KCNQ5: variants seen among roughly 807,000 people sequenced by gnomAD.
The protein encoded by KCNQ5 is potassium voltage-gated channel subfamily KQT member 5.
Under a neutral mutation model 98.2 loss-of-function variants are expected in KCNQ5, and 30 were observed. That is an observed-to-expected ratio of 0.31 (90% CI 0.23 to 0.41). The LOEUF (loss-of-function observed/expected upper bound fraction) is 0.41. Among genes scored for constraint, KCNQ5 ranks in the 10% least tolerant of loss-of-function variants. The pLI is 1.00. For missense variants in KCNQ5, 835 were observed against 1,182.5 expected, an observed-to-expected ratio of 0.71 and a Z score of 4.31; for synonymous variants, 458 against 449.4, an observed-to-expected ratio of 1.02 and a Z score of -0.24.
Position 73,091,114 on chromosome 6 carries a change from C to T in KCNQ5, c.918+13227C>T, listed in dbSNP as rs575617148. On this transcript the variant is annotated intron_variant, in intron 5 of 13. Coordinates refer to ENST00000370398, the MANE Select transcript of KCNQ5 (RefSeq NM_019842.4). ...TAGACTGGATAAAGAAAATGTGGCA[C>T]ATATACACCAAGGAATACTATACAG... 1.8e-4 allele frequency among the ~76,000 whole-genome samples: 27 copies of T among 152,190 alleles called. No individual in the cohort carries two copies. The East Asian group carries it at 4.2e-3, about 24-fold the overall frequency.
intron 1 of KCNQ5, among the ~76,000 whole-genome samples, chr6:72,845,516 G>A (rs961199550): frequency 5.3e-5 from 8 of 152,156 alleles, no homozygotes; most frequent in African/African-American, 9.7e-5. Flanking sequence ...GTTATATGAA[G>A]GTAATGATTA....
chr6:73,110,190 A>G (rs929911040), intron 6 of KCNQ5, among the ~76,000 whole-genome samples: 2 of 152,142 alleles, frequency 1.3e-5, no homozygotes, highest in Non-Finnish European at 2.9e-5. Flanking sequence ...TCCATCTCTA[A>G]CCAAAGGGTT....
chr6:73,180,228 T>G (rs1204834584), intron 11 of KCNQ5, among the ~76,000 whole-genome samples: 1 of 152,188 alleles, frequency 6.6e-6, no homozygotes, highest in Non-Finnish European at 1.5e-5. Flanking sequence ...GGAGGCTTCT[T>G]TAACTCTGCC....
At chr6:72,625,287 GA>G (rs2098917506) in intron 1 of KCNQ5, among the ~76,000 whole-genome samples, 1 of 152,204 alleles carries the variant, frequency 6.6e-6, no homozygotes, top group Non-Finnish European at 1.5e-5. Context: ...AGGATGGCTG[GA>G]CAGAGCAAGG....
intron 1 of KCNQ5, among the ~76,000 whole-genome samples, chr6:72,764,206 G>T (rs901697666): frequency 3.9e-5 from 6 of 151,900 alleles, no homozygotes; most frequent in Admixed American, 2.0e-4. Flanking sequence ...TGTAAAATTA[G>T]GCTCGATTCT....
intron 13 of KCNQ5, among the ~76,000 whole-genome samples, chr6:73,193,538 A>G (rs1360713902): frequency 6.8e-6 from 1 of 146,100 alleles, no homozygotes; most frequent in Admixed American, 6.8e-5. Flanking sequence ...AAACTTTATT[A>G]TAATTCTGAT....
At chr6:72,771,509 T>C (rs1373999110) in intron 1 of KCNQ5, among the ~76,000 whole-genome samples, 2 of 152,104 alleles carry the variant, frequency 1.3e-5, no homozygotes, top group South Asian at 2.1e-4. Flanking sequence ...TTATAGTTCA[T>C]TGTGGTTTTG....
At chr6:72,889,746 T>C (rs1778987478) in intron 1 of KCNQ5, among the ~76,000 whole-genome samples, 1 of 152,216 alleles carries the variant, frequency 6.6e-6, no homozygotes, top group Non-Finnish European at 1.5e-5. Flanking sequence ...AATTTTTAAG[T>C]TGATGGATTT....
intron 1 of KCNQ5, among the ~76,000 whole-genome samples, chr6:72,717,107 T>G (rs74922929): frequency 0.01 from 1,563 of 152,344 alleles, 16 homozygotes; most frequent in East Asian, 0.02. Flanking sequence ...GGAATCTCAC[T>G]GGCATAATCT....
intron 1 of KCNQ5, among the ~76,000 whole-genome samples, chr6:72,913,702 T>C (rs1780029444): frequency 1.3e-5 from 2 of 152,154 alleles, no homozygotes; most frequent in Admixed American, 6.5e-5. Flanking sequence ...GGAAATATCT[T>C]CTCTTCCCAT....
intron 1 of KCNQ5, among the ~76,000 whole-genome samples, chr6:72,842,577 G>T (rs181115987): frequency 1.3e-5 from 2 of 152,190 alleles, no homozygotes; most frequent in African/African-American, 4.8e-5. Context: ...TAAGCTAGTG[G>T]CTGAACTAAT....
chr6:72,689,889 C>T (rs1035230051), intron 1 of KCNQ5, among the ~76,000 whole-genome samples: 2 of 150,698 alleles, frequency 1.3e-5, no homozygotes, highest in African/African-American at 2.4e-5. Context: ...TCTTCTGTTT[C>T]GAGAGTTATT....
intron 1 of KCNQ5, among the ~76,000 whole-genome samples, chr6:72,868,143 T>A (rs1778067890): frequency 6.6e-6 from 1 of 152,086 alleles, no homozygotes; most frequent in South Asian, 2.1e-4. Flanking sequence ...GAGGTAAATG[T>A]GGGCTGAAAT....
In KCNQ5 at chr6:73,102,054, T is replaced by A. The variant is rs11967588; in HGVS notation, c.919-3203T>A. Among the ~76,000 whole-genome samples, 6 of 151,940 alleles carry A rather than the reference T, an allele frequency of 3.9e-5. No individual in the cohort carries two copies. In the East Asian group the frequency reaches 9.7e-4, roughly 25 times the overall value. On this transcript the variant is annotated intron_variant, in intron 5 of 13. Transcript: ENST00000370398. Reference sequence around the variant, plus strand: ...ATGGTACTGGCATAAAAACATATACTGACCAATGGGACAGAAGAGAGAAAC... The same window carrying A: ...ATGGTACTGGCATAAAAACATATACAGACCAATGGGACAGAAGAGAGAAAC...
intron 1 of KCNQ5, among the ~76,000 whole-genome samples, chr6:72,911,834 G>A (rs555263860): frequency 3.3e-4 from 50 of 152,224 alleles, no homozygotes; most frequent in Admixed American, 7.9e-4. Context: ...TGCCAAGATA[G>A]CATTTTCCTT....
intron 1 of KCNQ5, among the ~76,000 whole-genome samples, chr6:72,701,474 AATAG>A (rs1450235123): frequency 3.3e-5 from 5 of 152,232 alleles, no homozygotes; most frequent in African/African-American, 1.2e-4. Flanking sequence ...TAATTTTATA[AATAG>A]ATAGTATTAC....
At chr6:72,646,479 G>T (rs918031522) in intron 1 of KCNQ5, among the ~76,000 whole-genome samples, 1 of 152,070 alleles carries the variant, frequency 6.6e-6, no homozygotes, top group African/African-American at 2.4e-5. Flanking sequence ...TGTAGTTATT[G>T]CTGATCTTAT....
At chr6:72,746,064 C>CAAAAAAAAAAAAAA (rs59726566) in intron 1 of KCNQ5, among the ~76,000 whole-genome samples, 6 of 80,148 alleles carry the variant, frequency 7.5e-5, no homozygotes, top group African/African-American at 2.1e-4. Flanking sequence ...ACTCTATTTG[C>CAAAAAAAAAAAAAA]AAAAAAAAAA....
intron 1 of KCNQ5, among the ~76,000 whole-genome samples, chr6:72,838,688 C>G (rs1053710895): frequency 6.6e-6 from 1 of 151,822 alleles, no homozygotes. Flanking sequence ...CGGTGGCTCA[C>G]GCCTGTAATC....
Sources: allele counts gnomAD v4.1 joint callset (sites outside exome capture counted in the v4.1 genomes callset), GRCh38; gene constraint gnomAD v4.1.1; transcripts MANE v1.5; gene names NCBI Gene and HGNC (gene_info 2026-07-23, HGNC 2026-07-21).